The following COBLL1 variants were observed in gnomAD, a reference collection of about 807,000 sequenced individuals.
COBLL1 encodes cordon-bleu protein-like 1.
A neutral mutation model predicts 94.8 loss-of-function variants in COBLL1; 50 were observed. The observed-to-expected ratio is 0.53, with a 90% CI of 0.42 to 0.67. COBLL1 has a LOEUF of 0.67. Among genes scored for constraint, COBLL1 ranks in the 30% least tolerant of loss-of-function variants. The probability of loss-of-function intolerance (pLI) is 0.00; values close to 1 mark genes in which losing one functional copy is unlikely to be tolerated. For missense variants in COBLL1, 1,362 were observed against 1,348.7 expected, an observed-to-expected ratio of 1.01 and a Z score of -0.15; for synonymous variants, 448 against 473.8, an observed-to-expected ratio of 0.95 and a Z score of 0.71.
At chr2:164,831,839 C>G (rs967759601) in intron 2 of COBLL1, among the ~76,000 whole-genome samples, 1 of 152,168 alleles carries the variant, frequency 6.6e-6, no homozygotes, top group African/African-American at 2.4e-5. Flanking sequence ...GCTCTACCCT[C>G]GGACACTTCC....
At chr2:164,821,877 A>T (rs1685185299) in intron 2 of COBLL1, among the ~76,000 whole-genome samples, 1 of 152,212 alleles carries the variant, frequency 6.6e-6, no homozygotes. Flanking sequence ...AGTATCAACT[A>T]CTAACTTACT....
Position 164,685,971 on chromosome 2 carries a change from G to T in COBLL1, c.3362C>A (p.Ser1121Tyr), listed in dbSNP as rs1406770053. The part of the protein sequence containing the change: ...NGRSRLSHSM[S>Y]PDAQDGH ...TTAATGGCCGTCCTGGGCATCAGGG[G>T]ACATGGAATGGCTGAGTCTTGACCT... Residue 1121 changes from serine (S) to tyrosine (Y), a missense_variant, in exon 14 of 14, where the codon TCC (serine) becomes TAC (tyrosine). Physicochemically the swap from Ser to Tyr is moderately radical, Grantham distance 144. Coordinates refer to ENST00000652658, the MANE Select transcript of COBLL1 (RefSeq NM_001365672.2). 2 of 1,609,132 alleles carry T rather than the reference G, an allele frequency of 1.2e-6. No individual in the cohort carries two copies. The highest frequency in any genetic ancestry group is 1.7e-5 in the Admixed American group (1 of 59,684).
intron 2 of COBLL1, among the ~76,000 whole-genome samples, chr2:164,830,012 G>A (rs1433314506): frequency 6.6e-6 from 1 of 152,214 alleles, no homozygotes; most frequent in Non-Finnish European, 1.5e-5. Context: ...GGGCCATGGT[G>A]ATAATGGGTA....
At chr2:164,813,136 G>C (rs1484453140) in intron 2 of COBLL1, among the ~76,000 whole-genome samples, 2 of 151,990 alleles carry the variant, frequency 1.3e-5, no homozygotes, top group South Asian at 4.2e-4. Context: ...TCATCAAATG[G>C]ATAGATATGT....
intron 2 of COBLL1, among the ~76,000 whole-genome samples, chr2:164,662,546 C>T (rs191224597): frequency 3.3e-5 from 5 of 152,194 alleles, no homozygotes; most frequent in Admixed American, 1.3e-4. Flanking sequence ...TCAGTGATAT[C>T]GTTTCAATAT....
At chr2:164,810,911 T>C (rs2105338887) in intron 2 of COBLL1, among the ~76,000 whole-genome samples, 1 of 152,092 alleles carries the variant, frequency 6.6e-6, no homozygotes, top group African/African-American at 2.4e-5. Flanking sequence ...AAGTGACATG[T>C]TACTCAACTG....
chr2:164,833,599 C>A (rs1027480060), intron 2 of COBLL1, among the ~76,000 whole-genome samples: 2 of 151,850 alleles, frequency 1.3e-5, no homozygotes, highest in Non-Finnish European at 2.9e-5. Context: ...TACAGGCGCC[C>A]GCCACCACGC....
chr2:164,685,169 A>C lies in COBLL1; in HGVS notation c.*777T>G, dbSNP rs1413861845. On this transcript the variant is annotated 3_prime_UTR_variant, in exon 14 of 14. Transcript: ENST00000652658. ...TATCAAATGTGAAATAACTGTCACA[A>C]TATATCAGCATTTTCACAGAAAGAT... 6.6e-6 allele frequency: 1 copy of C among 152,178 alleles called. No homozygotes were observed. The highest frequency in any genetic ancestry group is 1.5e-5 in the Non-Finnish European group (1 of 68,018). The allele number at this position is 152,178 out of a possible 1,614,324, so 9.4% of individuals were successfully genotyped here.
At chr2:164,803,826 A>T (rs1683949937) in intron 2 of COBLL1, among the ~76,000 whole-genome samples, 1 of 152,096 alleles carries the variant, frequency 6.6e-6, no homozygotes, top group African/African-American at 2.4e-5. Flanking sequence ...CAGTGGTGAC[A>T]AGCAAATACC....
chr2:164,666,272 T>A (rs545470457), intron 1 of COBLL1, among the ~76,000 whole-genome samples: 2 of 152,276 alleles, frequency 1.3e-5, no homozygotes, highest in Admixed American at 1.3e-4. Flanking sequence ...GCCCAGTACA[T>A]ATAAAAGTTA....
chr2:164,817,361 T>C (rs1190998225), intron 2 of COBLL1, among the ~76,000 whole-genome samples: 1 of 116,464 alleles, frequency 8.6e-6, no homozygotes, highest in African/African-American at 3.2e-5. Context: ...TGGTATATAT[T>C]AAAAAAAAAA....
At chr2:164,783,282 A>C (rs1688797256) in intron 2 of COBLL1, among the ~76,000 whole-genome samples, 1 of 152,272 alleles carries the variant, frequency 6.6e-6, no homozygotes, top group Admixed American at 6.5e-5. Context: ...GTGTGGTGAC[A>C]CGTGCTTGTG....
intron 2 of COBLL1, among the ~76,000 whole-genome samples, chr2:164,774,313 G>A (rs355866): frequency 0.23 from 35,624 of 152,032 alleles, 4,852 homozygotes; most frequent in African/African-American, 0.37. Flanking sequence ...TTTCTACCAC[G>A]GAAGCCTCAA....
chr2:164,684,200 C>T lies in COBLL1; in HGVS notation c.*1746G>A, dbSNP rs1164248109. On this transcript the variant is annotated 3_prime_UTR_variant, in exon 14 of 14. Transcript: ENST00000652658. ...CATGTTTGTTGGCCTTTTGAATTTC[C>T]TCTTGTAAGAATAATGTGCTGATAT... The T allele has an allele frequency of 1.3e-5, 2 of 151,878 alleles. No individual in the cohort carries two copies. Among genetic ancestry groups the T allele is most frequent in the Admixed American group, 1.3e-4 (2 of 15,238 alleles). The allele number at this position is 151,878 out of a possible 1,614,324, so 9.4% of individuals were successfully genotyped here.
At chr2:164,822,921 A>G (rs932568102) in intron 2 of COBLL1, among the ~76,000 whole-genome samples, 16 of 151,982 alleles carry the variant, frequency 1.1e-4, no homozygotes, top group African/African-American at 3.6e-4. Flanking sequence ...GGCATGCACC[A>G]CCACACCTGG....
chr2:164,801,001 A>G (rs1683748151), intron 2 of COBLL1, among the ~76,000 whole-genome samples: 2 of 152,182 alleles, frequency 1.3e-5, no homozygotes, highest in Admixed American at 1.3e-4. Context: ...TGCATGGGTT[A>G]AAACTCCTAG....
chr2:164,663,154 T>C (rs1463571593), intron 2 of COBLL1, among the ~76,000 whole-genome samples: 1 of 152,180 alleles, frequency 6.6e-6, no homozygotes, highest in African/African-American at 2.4e-5. Context: ...TCGTTTAATA[T>C]TCTGAGGGCA....
chr2:164,817,762 A>G (rs1684845580), intron 2 of COBLL1, among the ~76,000 whole-genome samples: 2 of 152,106 alleles, frequency 1.3e-5, no homozygotes, highest in Non-Finnish European at 2.9e-5. Context: ...TAGGAAGGGA[A>G]GCCACCTGGT....
chr2:164,711,994 C>G (rs558537321), intron 7 of COBLL1, among the ~76,000 whole-genome samples: 2 of 152,208 alleles, frequency 1.3e-5, no homozygotes, highest in African/African-American at 4.8e-5. Context: ...CAAGGAGAAA[C>G]AGAATCTACT....
Sources: gnomAD v4.1 joint callset for allele counts (sites outside exome capture counted in the v4.1 genomes callset) on GRCh38, gnomAD v4.1.1 for gene constraint, MANE v1.5 for transcripts, NCBI Gene and HGNC (gene_info 2026-07-23, HGNC 2026-07-21) for gene names.